CNTN5: variants seen among roughly 807,000 people sequenced by gnomAD.
CNTN5 encodes the protein contactin-5.
In CNTN5, 77 loss-of-function variants were observed where a neutral mutation model predicts 129.1. The observed-to-expected ratio is 0.60, with a 90% CI of 0.50 to 0.72. The LOEUF (loss-of-function observed/expected upper bound fraction) is 0.72. Among genes scored for constraint, CNTN5 ranks in the 30% least tolerant of loss-of-function variants. CNTN5 has a pLI of 0.00. For missense variants in CNTN5, 1,478 were observed against 1,328.8 expected (o/e 1.11, Z -1.75); for synonymous variants, 509 against 465.6 (o/e 1.09, Z -1.20).
intron 10 of CNTN5, among the ~76,000 whole-genome samples, chr11:100,069,059 G>A (rs1157071091): frequency 6.6e-6 from 1 of 152,144 alleles, no homozygotes; most frequent in East Asian, 1.9e-4. Flanking sequence ...GTTCTTTCTT[G>A]CTCTTTCTCC....
At chr11:100,275,518 T>C (rs1273924200) in intron 18 of CNTN5, among the ~76,000 whole-genome samples, 1 of 151,826 alleles carries the variant, frequency 6.6e-6, no homozygotes, top group Admixed American at 6.5e-5. Flanking sequence ...AAATAATCCA[T>C]TTGGGATGAA....
At chr11:100,215,494 C>T (rs955637305) in intron 15 of CNTN5, among the ~76,000 whole-genome samples, 22 of 152,158 alleles carry the variant, frequency 1.4e-4, no homozygotes, top group Non-Finnish European at 2.8e-4. Context: ...CCATAAAGCA[C>T]AGCAACTAAT....
At chr11:99,106,473 G>C (rs896056866) in intron 1 of CNTN5, among the ~76,000 whole-genome samples, 26 of 152,020 alleles carry the variant, frequency 1.7e-4, no homozygotes, top group African/African-American at 6.3e-4. Context: ...GTACAATTTT[G>C]GAGAATATTA....
chr11:99,736,024 C>T (rs1943696835), intron 3 of CNTN5, among the ~76,000 whole-genome samples: 2 of 147,844 alleles, frequency 1.4e-5, no homozygotes, highest in African/African-American at 2.5e-5. Flanking sequence ...TCTTTTTTTT[C>T]TCTCTTTCTT....
At chr11:99,664,167 G>A (rs1353198107) in intron 3 of CNTN5, among the ~76,000 whole-genome samples, 1 of 152,092 alleles carries the variant, frequency 6.6e-6, no homozygotes, top group African/African-American at 2.4e-5. Flanking sequence ...TTTGGATGTG[G>A]GAAGACATGC....
chr11:99,033,749 A>G (rs1863532174), intron 1 of CNTN5, among the ~76,000 whole-genome samples: 2 of 152,202 alleles, frequency 1.3e-5, no homozygotes, highest in Admixed American at 1.3e-4. Context: ...TCCTAATTGA[A>G]TACCCTTTAT....
intron 2 of CNTN5, among the ~76,000 whole-genome samples, chr11:99,431,007 T>TTTC (rs1160366844): frequency 1.3e-5 from 2 of 151,456 alleles, no homozygotes; most frequent in Admixed American, 1.3e-4. Flanking sequence ...TGTTTTTTTT[T>TTTC]TTTTTTCCTC....
At chr11:99,162,759 A>G (rs1470460337) in intron 1 of CNTN5, among the ~76,000 whole-genome samples, 1 of 152,178 alleles carries the variant, frequency 6.6e-6, no homozygotes, top group Non-Finnish European at 1.5e-5. Context: ...ATGGCTGTGA[A>G]TACTCTCTAG....
intron 6 of CNTN5, among the ~76,000 whole-genome samples, chr11:99,894,465 C>T (rs1360186257): frequency 9.2e-6 from 1 of 108,354 alleles, no homozygotes; most frequent in Non-Finnish European, 1.9e-5. Context: ...AAAAATCTAA[C>T]TACAACTGAA....
chr11:99,229,252 T>C (rs985909810), intron 1 of CNTN5, among the ~76,000 whole-genome samples: 1 of 152,026 alleles, frequency 6.6e-6, no homozygotes, highest in African/African-American at 2.4e-5. Context: ...TGCTAAATTC[T>C]AAATAAAAAA....
intron 2 of CNTN5, among the ~76,000 whole-genome samples, chr11:99,361,468 AT>A (rs1939106707): frequency 6.6e-6 from 1 of 152,154 alleles, no homozygotes; most frequent in Admixed American, 6.6e-5. Flanking sequence ...TGCAAATCTC[AT>A]TTTGTATGTG....
chr11:99,236,382 C>A (rs948784864), intron 1 of CNTN5, among the ~76,000 whole-genome samples: 10 of 151,832 alleles, frequency 6.6e-5, no homozygotes, highest in African/African-American at 2.2e-4. Flanking sequence ...GAGCTACTAG[C>A]CTTGTGTTAT....
chr11:100,224,175 A>G (rs138021412), intron 15 of CNTN5, among the ~76,000 whole-genome samples: 1 of 152,294 alleles, frequency 6.6e-6, no homozygotes, highest in East Asian at 1.9e-4. Flanking sequence ...AAGTAAAGAC[A>G]CATGGCTTTG....
At chr11:100,189,124 G>C (rs1421683790) in intron 13 of CNTN5, among the ~76,000 whole-genome samples, 1 of 151,978 alleles carries the variant, frequency 6.6e-6, no homozygotes, top group Non-Finnish European at 1.5e-5. Context: ...TAACTATTGG[G>C]TACTGTGCTC....
chr11:100,304,792 T>A (rs1296880226), intron 20 of CNTN5, among the ~76,000 whole-genome samples: 1 of 151,034 alleles, frequency 6.6e-6, no homozygotes, highest in African/African-American at 2.4e-5. Flanking sequence ...CTTGAGTAAG[T>A]AGCTTAACCT....
At chr11:100,015,523 G>A (rs80283075) in intron 9 of CNTN5, among the ~76,000 whole-genome samples, 6,339 of 152,036 alleles carry the variant, frequency 0.042, 156 homozygotes, top group African/African-American at 0.07. Context: ...ACTTCCCTGT[G>A]GTCTGTAACT....
At chr11:99,704,798 A>C (rs1954683138) in intron 3 of CNTN5, among the ~76,000 whole-genome samples, 1 of 151,288 alleles carries the variant, frequency 6.6e-6, no homozygotes, top group Admixed American at 6.6e-5. Flanking sequence ...AGGAGTAAAA[A>C]AATAAAAAAT....
At chr11:99,545,333 A>G (rs1948255360) in intron 2 of CNTN5, among the ~76,000 whole-genome samples, 1 of 152,214 alleles carries the variant, frequency 6.6e-6, no homozygotes, top group East Asian at 1.9e-4. Flanking sequence ...CGACTGCCAG[A>G]TGAAGATAGT....
chr11:99,978,480 C>G (rs1359834963), intron 8 of CNTN5, among the ~76,000 whole-genome samples: 6 of 152,162 alleles, frequency 3.9e-5, no homozygotes, highest in Non-Finnish European at 7.3e-5. Context: ...CCTGCAAGTG[C>G]TATTTGTAGT....
Sources: gnomAD v4.1 joint callset for allele counts (sites outside exome capture counted in the v4.1 genomes callset) on GRCh38, gnomAD v4.1.1 for gene constraint, MANE v1.5 for transcripts, NCBI Gene and HGNC (gene_info 2026-07-23, HGNC 2026-07-21) for gene names.